The following XYLT1 variants were observed in gnomAD, a reference collection of about 807,000 sequenced individuals.
The protein encoded by XYLT1 is xylosyltransferase 1.
XYLT1 carries 36 observed loss-of-function variants against 91.3 expected under a neutral mutation model. The ratio of observed to expected loss-of-function variants is 0.39; its 90% CI spans 0.30 to 0.52. The LOEUF is 0.52. XYLT1 is among the 20% of genes least tolerant of loss of function. XYLT1 has a pLI of 0.68. For missense variants in XYLT1, 1,242 were observed against 1,284.5 expected, an observed-to-expected ratio of 0.97 and a Z score of 0.51; for synonymous variants, 588 against 532.0, an observed-to-expected ratio of 1.11 and a Z score of -1.45.
intron 1 of XYLT1, among the ~76,000 whole-genome samples, chr16:17,448,636 A>C (rs993936168): frequency 6.7e-5 from 10 of 149,050 alleles, no homozygotes; most frequent in African/African-American, 9.7e-5. Context: ...TCCTCCTCCT[A>C]CAAGAATCAA....
At chr16:17,320,953 T>G (rs895446102) in intron 2 of XYLT1, among the ~76,000 whole-genome samples, 1 of 152,110 alleles carries the variant, frequency 6.6e-6, no homozygotes, top group Non-Finnish European at 1.5e-5. Flanking sequence ...ATGCCTTGTA[T>G]GTGAATAAAT....
chr16:17,175,212 T>G (rs149182070), intron 5 of XYLT1, among the ~76,000 whole-genome samples: 1 of 152,210 alleles, frequency 6.6e-6, no homozygotes, highest in Non-Finnish European at 1.5e-5. Context: ...CTATTTTATA[T>G]ACGCTATCCA....
chr16:17,362,820 G>A (rs2035402081), intron 1 of XYLT1, among the ~76,000 whole-genome samples: 1 of 152,200 alleles, frequency 6.6e-6, no homozygotes, highest in Non-Finnish European at 1.5e-5. Flanking sequence ...CAATGACATT[G>A]GTGTAGAGAT....
At chr16:17,113,404 A>G (rs1966846155) in intron 11 of XYLT1, among the ~76,000 whole-genome samples, 1 of 152,142 alleles carries the variant, frequency 6.6e-6, no homozygotes, top group Admixed American at 6.5e-5. Flanking sequence ...CAGCCTCCCA[A>G]AGTGCTGGGA....
At chr16:17,115,980 T>TAA (rs58219672) in intron 11 of XYLT1, among the ~76,000 whole-genome samples, 789 of 69,110 alleles carry the variant, frequency 0.011, 10 homozygotes, top group African/African-American at 0.027. Flanking sequence ...ACTTAGAAAG[T>TAA]AAAAAAAAAA....
intron 2 of XYLT1, among the ~76,000 whole-genome samples, chr16:17,326,556 G>A (rs2034805194): frequency 6.6e-6 from 1 of 151,630 alleles, no homozygotes; most frequent in Non-Finnish European, 1.5e-5. Context: ...TGGCACGGTG[G>A]CTCACGCCTG....
intron 8 of XYLT1, among the ~76,000 whole-genome samples, chr16:17,135,721 C>G (rs565085160): frequency 1.3e-5 from 2 of 152,246 alleles, no homozygotes; most frequent in Non-Finnish European, 2.9e-5. Flanking sequence ...GAGTCAGGGT[C>G]CAGGGTTAAA....
At chr16:17,385,287 C>T (rs951859182) in intron 1 of XYLT1, among the ~76,000 whole-genome samples, 1 of 151,236 alleles carries the variant, frequency 6.6e-6, no homozygotes, top group African/African-American at 2.4e-5. Flanking sequence ...CACACACACA[C>T]ACACACACAC....
chr16:17,176,072 C>T (rs371225240), intron 5 of XYLT1, among the ~76,000 whole-genome samples: 1 of 152,014 alleles, frequency 6.6e-6, no homozygotes, highest in East Asian at 1.9e-4. Context: ...ATCAGTGACT[C>T]TCCTGGCACT....
intron 1 of XYLT1, among the ~76,000 whole-genome samples, chr16:17,417,118 T>C (rs995880571): frequency 4.6e-5 from 7 of 152,162 alleles, no homozygotes; most frequent in African/African-American, 1.4e-4. Flanking sequence ...ATGAGTAAGA[T>C]AGGGACACCA....
intron 2 of XYLT1, among the ~76,000 whole-genome samples, chr16:17,315,770 T>A (rs2034621443): frequency 6.6e-6 from 1 of 151,608 alleles, no homozygotes; most frequent in Non-Finnish European, 1.5e-5. Context: ...CACCTGGTGG[T>A]AGATCTCAAG....
chr16:17,222,476 T>C (rs1032116062), intron 3 of XYLT1, among the ~76,000 whole-genome samples: 1 of 152,160 alleles, frequency 6.6e-6, no homozygotes, highest in Non-Finnish European at 1.5e-5. Context: ...TGAAAAAGAT[T>C]GTCTGAGGAG....
chr16:17,185,344 C>G (rs372248003), intron 5 of XYLT1, among the ~76,000 whole-genome samples: 4 of 152,184 alleles, frequency 2.6e-5, no homozygotes, highest in Non-Finnish European at 5.9e-5. Flanking sequence ...AACAACAGTC[C>G]GAGCAGATAC....
At chr16:17,225,177 A>ACTCTCTCT (rs1555488928) in intron 3 of XYLT1, among the ~76,000 whole-genome samples, 5,469 of 147,390 alleles carry the variant, frequency 0.037, 326 homozygotes, top group African/African-American at 0.13. Context: ...ACACACACAC[A>ACTCTCTCT]CTCTCTCTCT....
intron 1 of XYLT1, among the ~76,000 whole-genome samples, chr16:17,444,248 G>C (rs557473614): frequency 1.3e-5 from 2 of 152,302 alleles, no homozygotes; most frequent in East Asian, 3.9e-4. Context: ...GTTTTTAGAA[G>C]ACCACTAATT....
At position 17,325,190 on chromosome 16, in the gene XYLT1, G is replaced by A. The variant is rs138392559; in HGVS notation, c.402+32822C>T. ...AGGTGGGCAGATTGCCTGAGGTCAGGAGTTCGAGACCAGTCTGGCCAACAT... is the reference window on the plus strand; with the variant it reads ...AGGTGGGCAGATTGCCTGAGGTCAGAAGTTCGAGACCAGTCTGGCCAACAT... On this transcript the variant is annotated intron_variant, in intron 2 of 11. Transcript: ENST00000261381. Among the ~76,000 whole-genome samples, 25 of 152,318 alleles carry A rather than the reference G, an allele frequency of 1.6e-4. No homozygotes were observed. In the East Asian group the frequency reaches 4.8e-3, roughly 29 times the overall value.
At chr16:17,379,763 T>TCTCTCTCTTTCTCACACACACACACA (rs373354877) in intron 1 of XYLT1, among the ~76,000 whole-genome samples, 3 of 125,546 alleles carry the variant, frequency 2.4e-5, no homozygotes, top group African/African-American at 9.5e-5. Flanking sequence ...TCTCTCTCTC[T>TCTCTCTCTTTCTCACACACACACACA]CACACACACA....
chr16:17,279,301 A>G (rs1397783007), intron 2 of XYLT1, among the ~76,000 whole-genome samples: 1 of 152,218 alleles, frequency 6.6e-6, no homozygotes, highest in Non-Finnish European at 1.5e-5. Context: ...AATTAAGTCA[A>G]TGTTGGGAAA....
chr16:17,228,761 C>A (rs182306674), intron 3 of XYLT1, among the ~76,000 whole-genome samples: 22 of 152,284 alleles, frequency 1.4e-4, no homozygotes, highest in Non-Finnish European at 2.6e-4. Flanking sequence ...ACAATAGGAA[C>A]AACAATCATT....
Sources: allele counts gnomAD v4.1 joint callset (sites outside exome capture counted in the v4.1 genomes callset), GRCh38; gene constraint gnomAD v4.1.1; transcripts MANE v1.5; gene names NCBI Gene and HGNC (gene_info 2026-07-23, HGNC 2026-07-21).